TNKS2: variants seen among roughly 807,000 people sequenced by gnomAD.
TNKS2 encodes the protein poly [ADP-ribose] polymerase tankyrase-2.
TNKS2 carries 72 observed loss-of-function variants against 137.6 expected under a neutral mutation model. The ratio of observed to expected loss-of-function variants is 0.52; its 90% confidence interval spans 0.43 to 0.64. The LOEUF (loss-of-function observed/expected upper bound fraction) is 0.64, where lower values mean the gene tolerates loss of function less well. Among genes scored for constraint, TNKS2 ranks in the 30% least tolerant of loss-of-function variants. The pLI is 0.00. For missense variants in TNKS2, 1,049 were observed against 1,410.2 expected (o/e 0.74, Z 4.10); for synonymous variants, 516 against 512.1 (o/e 1.01, Z -0.10).
chr10:91,798,437 C>T lies in TNKS2; in HGVS notation c.-254C>T, dbSNP rs1844031149. 2.7e-5 allele frequency: 8 copies of T among 290,950 alleles called. No homozygotes were observed. In the East Asian group the frequency reaches 4.9e-4, roughly 18 times the overall value. The allele number at this position is 290,950 out of a possible 1,614,324, so 18.0% of individuals were successfully genotyped here. On this transcript the variant is annotated 5_prime_UTR_variant, in exon 1 of 27. Coordinates refer to ENST00000371627, the MANE Select transcript of TNKS2 (RefSeq NM_025235.4). ...GGAGGGGCCTTGCCAGCTTCCGCCG[C>T]CGCGTCGTTTCAGGACCCGGACGGC...
chr10:91,842,144 C>G, intron 15 of TNKS2, 28 bp from the exon 16 acceptor site: 2 of 1,535,922 alleles, frequency 1.3e-6, no homozygotes, highest in Non-Finnish European at 1.8e-6. Context: ...GCCATTTCCC[C>G]CTTTTTTTCT....
Position 91,830,841 on chromosome 10 carries a change from A to G in TNKS2, c.1105-82A>G, listed in dbSNP as rs1226895507. The G allele has an allele frequency of 3.8e-5, 44 of 1,157,870 alleles. No individual in the cohort carries two copies. The East Asian group carries it at 1.1e-3, about 29-fold the overall frequency. 71.7% of individuals were successfully genotyped at this position (1,157,870 alleles called of 1,614,324 possible). On this transcript the variant is annotated intron_variant, in intron 9 of 26. Coordinates refer to ENST00000371627, the MANE Select transcript of TNKS2 (RefSeq NM_025235.4). ...AACAAAAAGATTAAATAACTACTTG[A>G]TTGTTCTTGATTGGAAACACGAATG...
intron 1 of TNKS2, among the ~76,000 whole-genome samples, chr10:91,810,573 G>A (rs1485475475): frequency 6.6e-6 from 1 of 151,532 alleles, no homozygotes; most frequent in Admixed American, 6.6e-5. Flanking sequence ...CCCGGTCTTG[G>A]CTCAGTGCAA....
At chr10:91,848,739 T>G in intron 19 of TNKS2, 104 bp downstream of exon 19, 2 of 1,347,526 alleles carry the variant, frequency 1.5e-6, no homozygotes, top group Non-Finnish European at 2.0e-6. Flanking sequence ...AAGGTATTAG[T>G]ATAAAATTAG....
chr10:91,843,087 A>G (rs1334965600), intron 16 of TNKS2, among the ~76,000 whole-genome samples: 1 of 152,144 alleles, frequency 6.6e-6, no homozygotes, highest in African/African-American at 2.4e-5. Context: ...GCTGCTAAGC[A>G]CAAGCAGGAA....
chr10:91,822,388 T>G, intron 7 of TNKS2, 26 bp downstream of exon 7: 1 of 1,554,348 alleles, frequency 6.4e-7, no homozygotes, highest in Non-Finnish European at 8.9e-7. Flanking sequence ...CTCTCCTAAT[T>G]ACTTTCTAGA....
intron 7 of TNKS2, among the ~76,000 whole-genome samples, chr10:91,823,320 GTTTT>G (rs3043666): frequency 5.3e-5 from 6 of 113,602 alleles, no homozygotes; most frequent in Admixed American, 9.5e-5. Context: ...TGGTTTTTTG[GTTTT>G]TTTTTTTTTT....
chr10:91,833,320 A>C (rs1181076736), intron 11 of TNKS2, among the ~76,000 whole-genome samples: 1 of 152,200 alleles, frequency 6.6e-6, no homozygotes, highest in Non-Finnish European at 1.5e-5. Flanking sequence ...ACATTGTATA[A>C]TGTTTTAGAG....
intron 5 of TNKS2, 56 bp downstream of exon 5, chr10:91,819,613 A>T: frequency 7.6e-7 from 1 of 1,314,982 alleles, no homozygotes; most frequent in Non-Finnish European, 1.1e-6. Context: ...GAAGATAAAG[A>T]TGTGTTTATC....
intron 16 of TNKS2, among the ~76,000 whole-genome samples, chr10:91,842,869 CTGAGT>C (rs1434393888): frequency 1.3e-5 from 2 of 152,176 alleles, no homozygotes; most frequent in Non-Finnish European, 2.9e-5. Flanking sequence ...AAGCTATTAG[CTGAGT>C]TCGAGTTCAC....
Position 91,862,959 on chromosome 10 carries a change from C to A in TNKS2, c.3461C>A (p.Thr1154Asn), listed in dbSNP as rs1485192497. 1 of 1,606,378 alleles carries A rather than the reference C, an allele frequency of 6.2e-7. No individual in the cohort carries two copies. The highest frequency in any genetic ancestry group is 1.3e-5 in the African/African-American group (1 of 74,814). ...CAGGCTTATCCTGAGTATTTAATTA[C>A]TTACCAGATTATGAGGCCTGAAGGT... is the stretch of plus-strand genomic sequence containing the variant. ...GEQAYPEYLI[T>N]YQIMRPEGMV... Residue 1154 changes from threonine (T) to asparagine (N), a missense_variant, in exon 27 of 27, where the codon ACT becomes AAT. Thr to Asn is a moderately conservative substitution (Grantham distance 65). Coordinates refer to ENST00000371627, the MANE Select transcript of TNKS2 (RefSeq NM_025235.4).
Position 91,798,650 on chromosome 10 carries a change from G to T in TNKS2, c.-41G>T. The T allele has an allele frequency of 8.2e-7, 1 of 1,216,910 alleles. No individual in the cohort carries two copies. Among genetic ancestry groups the T allele is most frequent in the Non-Finnish European group, 1.0e-6 (1 of 977,592 alleles). 75.4% of individuals were successfully genotyped at this position (1,216,910 alleles called of 1,614,324 possible). ...CTCGCGGGGCCGGGGCTCCTGCTCC[G>T]GTTGCTGGCGCTGTTGCTGGCTGTG... On this transcript the variant is annotated 5_prime_UTR_variant, in exon 1 of 27. Transcript: ENST00000371627.
intron 1 of TNKS2, among the ~76,000 whole-genome samples, chr10:91,806,483 A>G (rs944297894): frequency 1.3e-5 from 2 of 152,152 alleles, no homozygotes; most frequent in Non-Finnish European, 2.9e-5. Flanking sequence ...CACAGTGATC[A>G]TCATTCCATT....
intron 1 of TNKS2, among the ~76,000 whole-genome samples, chr10:91,809,067 C>T (rs578217158): frequency 6.6e-6 from 1 of 152,058 alleles, no homozygotes; most frequent in African/African-American, 2.4e-5. Context: ...TTTTGATACT[C>T]CCAATCAAGA....
At chr10:91,811,445 T>A (rs1844501308) in intron 1 of TNKS2, among the ~76,000 whole-genome samples, 1 of 152,070 alleles carries the variant, frequency 6.6e-6, no homozygotes, top group African/African-American at 2.4e-5. Flanking sequence ...GGAGTTCCCT[T>A]CTTTGAGCTC....
chr10:91,854,861 C>G (rs1020565059), intron 21 of TNKS2, among the ~76,000 whole-genome samples, 168 bp from the exon 22 acceptor site: 10 of 150,196 alleles, frequency 6.7e-5, no homozygotes, highest in African/African-American at 2.5e-4. Context: ...CAAGATCACA[C>G]CAGCCTAGCC....
At position 91,819,921 on chromosome 10, in the gene TNKS2, A is replaced by C; in HGVS notation, c.634-18A>C. ...ACCATTATTTGAATTTCATTAATAT[A>C]TTTGATTAATATTTCAGTCAACTCC... On this transcript the variant is annotated intron_variant, in intron 5 of 26. Coordinates refer to ENST00000371627, the MANE Select transcript of TNKS2 (RefSeq NM_025235.4). 2.0e-6 allele frequency: 3 copies of C among 1,508,640 alleles called. No homozygotes were observed. The highest frequency in any genetic ancestry group is 2.7e-6 in the Non-Finnish European group (3 of 1,118,216). 93.5% of individuals were successfully genotyped at this position (1,508,640 alleles called of 1,614,324 possible). A position where few individuals can be genotyped will look rare whatever the true frequency, so the allele number is the denominator to read the frequency against.
intron 2 of TNKS2, among the ~76,000 whole-genome samples, chr10:91,813,987 A>G (rs548345510): frequency 6.0e-4 from 92 of 152,314 alleles, no homozygotes; most frequent in Non-Finnish European, 1.6e-4. Context: ...TTACTGGTTT[A>G]TATATTTACT....
At chr10:91,815,178 G>A (rs1053130729) in intron 2 of TNKS2, among the ~76,000 whole-genome samples, 4 of 152,166 alleles carry the variant, frequency 2.6e-5, no homozygotes, top group Non-Finnish European at 4.4e-5. Context: ...ATCCTTAACA[G>A]ATAGAAAGCC....
Sources: gnomAD v4.1 joint callset for allele counts (sites outside exome capture counted in the v4.1 genomes callset) on GRCh38, gnomAD v4.1.1 for gene constraint, MANE v1.5 for transcripts, NCBI Gene and HGNC (gene_info 2026-07-23, HGNC 2026-07-21) for gene names.